ME1: variants seen among roughly 807,000 people sequenced by gnomAD.
ME1 encodes NADP-dependent malic enzyme.
In ME1, 74 loss-of-function variants were observed where a neutral mutation model predicts 66.4. The ratio of observed to expected loss-of-function variants is 1.11; its 90% CI spans 0.92 to 1.35. The LOEUF is 1.35. ME1 is among the 40% of genes most tolerant of loss of function. The pLI is 0.00. For missense variants in ME1, 750 were observed against 694.1 expected (o/e 1.08, Z -0.90); for synonymous variants, 251 against 235.6 (o/e 1.07, Z -0.60).
At chr6:83,399,284 C>A (rs979860379) in intron 2 of ME1, among the ~76,000 whole-genome samples, 12 of 152,046 alleles carry the variant, frequency 7.9e-5, no homozygotes, top group African/African-American at 2.9e-4. Flanking sequence ...GCATGAGCCA[C>A]CGCACCCAGA....
intron 1 of ME1, among the ~76,000 whole-genome samples, chr6:83,412,873 T>C (rs1177628919): frequency 6.6e-6 from 1 of 152,174 alleles, no homozygotes; most frequent in Admixed American, 6.5e-5. Flanking sequence ...GAAAATGTTT[T>C]TCAGTGATAG....
At chr6:83,402,394 T>C (rs1416392304) in intron 2 of ME1, among the ~76,000 whole-genome samples, 1 of 152,178 alleles carries the variant, frequency 6.6e-6, no homozygotes, top group African/African-American at 2.4e-5. Context: ...CCCCTGTGAC[T>C]TTATGCTCTG....
intron 1 of ME1, among the ~76,000 whole-genome samples, chr6:83,422,948 A>C (rs1398377674): frequency 6.6e-6 from 1 of 152,076 alleles, no homozygotes; most frequent in Non-Finnish European, 1.5e-5. Flanking sequence ...TTTGGAGAAA[A>C]TAATGGCTGA....
intron 3 of ME1, among the ~76,000 whole-genome samples, chr6:83,391,805 G>C (rs1283282727): frequency 6.6e-6 from 1 of 151,978 alleles, no homozygotes; most frequent in Non-Finnish European, 1.5e-5. Context: ...CTTCTGTCTG[G>C]CATGTTTCCA....
chr6:83,315,921 TAAGA>T (rs1768023106), intron 5 of ME1, among the ~76,000 whole-genome samples: 1 of 151,634 alleles, frequency 6.6e-6, no homozygotes. Flanking sequence ...AATAAATAAA[TAAGA>T]AAGAAAAATA....
intron 7 of ME1, among the ~76,000 whole-genome samples, chr6:83,241,713 A>G (rs921826021): frequency 1.3e-5 from 2 of 152,206 alleles, no homozygotes; most frequent in African/African-American, 4.8e-5. Flanking sequence ...AAGGGAATAC[A>G]TGTAGAAAAT....
intron 5 of ME1, among the ~76,000 whole-genome samples, chr6:83,328,936 A>C (rs1768353787): frequency 6.6e-6 from 1 of 152,078 alleles, no homozygotes; most frequent in South Asian, 2.1e-4. Flanking sequence ...TAAGGAGGGT[A>C]TATATTGGTA....
At position 83,430,054 on chromosome 6, in the gene ME1, T is replaced by C. The variant is rs376752819; in HGVS notation, c.78+823A>G. ...CCGAGTGCTTATATTGCATCACCAG[T>C]GAAGGAAAATGAAATGTTACCAGGA... On this transcript the variant is annotated intron_variant, in intron 1 of 13. Coordinates refer to ENST00000369705, the MANE Select transcript of ME1 (RefSeq NM_002395.6). Among the ~76,000 whole-genome samples, 11 of 152,202 alleles carry C rather than the reference T, an allele frequency of 7.2e-5. No individual in the cohort carries two copies. The East Asian group carries it at 9.6e-4, about 13-fold the overall frequency.
Position 83,235,572 on chromosome 6 carries a change from A to G in ME1, c.1026+2145T>C, listed in dbSNP as rs1238475622. Among the ~76,000 whole-genome samples the G allele has an allele frequency of 2.0e-5, 3 of 147,816 alleles. No homozygotes were observed. In the East Asian group the frequency reaches 6.0e-4, roughly 29 times the overall value. On this transcript the variant is annotated intron_variant, in intron 9 of 13. Coordinates refer to ENST00000369705, the MANE Select transcript of ME1 (RefSeq NM_002395.6). ...TGCAAGCTCCACCTCCTGGGTTTACACCATTCTCCTGCCTCAGCCTCCCAA... is the reference window on the plus strand; with the variant it reads ...TGCAAGCTCCACCTCCTGGGTTTACGCCATTCTCCTGCCTCAGCCTCCCAA...
At position 83,352,347 on chromosome 6, in the gene ME1, C is replaced by G. The variant is rs1054149680; in HGVS notation, c.363-208G>C. Among the ~76,000 whole-genome samples the G allele has an allele frequency of 2.0e-5, 3 of 151,386 alleles. 1 individual carries two copies. Among genetic ancestry groups the G allele is most frequent in the Middle Eastern group, 6.9e-3 (2 of 290 alleles). ...ACTTGAAATAATATATTGACATCTA[C>G]AATAAAGGGAGATTTGTTCTCTTAG... On this transcript the variant is annotated intron_variant, in intron 3 of 13. Transcript: ENST00000369705.
At chr6:83,364,151 G>T (rs1769055799) in intron 3 of ME1, among the ~76,000 whole-genome samples, 1 of 152,074 alleles carries the variant, frequency 6.6e-6, no homozygotes, top group Admixed American at 6.5e-5. Flanking sequence ...ATCTTGGTGG[G>T]CACCATCTAA....
intron 6 of ME1, 84 bp from the exon 7 acceptor site, chr6:83,253,822 G>T (rs1790762443): frequency 6.0e-6 from 4 of 671,908 alleles, no homozygotes; most frequent in African/African-American, 1.8e-5. Flanking sequence ...CATAGAAATA[G>T]GAAAACATTA....
intron 1 of ME1, among the ~76,000 whole-genome samples, chr6:83,426,638 A>C (rs1253768466): frequency 6.6e-6 from 1 of 152,224 alleles, no homozygotes; most frequent in East Asian, 1.9e-4. Flanking sequence ...CAACACACCC[A>C]ACTAGGTCTT....
chr6:83,270,029 C>T (rs1767056911), intron 6 of ME1, among the ~76,000 whole-genome samples: 1 of 152,120 alleles, frequency 6.6e-6, no homozygotes, highest in South Asian at 2.1e-4. Flanking sequence ...CTCTGTAATG[C>T]TTTTTTACAA....
intron 6 of ME1, among the ~76,000 whole-genome samples, chr6:83,259,023 G>T (rs1766833556): frequency 6.6e-6 from 1 of 152,148 alleles, no homozygotes; most frequent in Admixed American, 6.6e-5. Context: ...TATATGAACA[G>T]ATATTGGTGA....
At chr6:83,313,297 C>T (rs1767964694) in intron 6 of ME1, among the ~76,000 whole-genome samples, 1 of 151,944 alleles carries the variant, frequency 6.6e-6, no homozygotes, top group South Asian at 2.1e-4. Context: ...AAGTACAAAC[C>T]CTGATTCATA....
At chr6:83,365,195 C>T (rs2128546523) in intron 3 of ME1, among the ~76,000 whole-genome samples, 1 of 152,296 alleles carries the variant, frequency 6.6e-6, no homozygotes, top group South Asian at 2.1e-4. Context: ...CGGGTTCAAC[C>T]AATTCTCCTG....
intron 5 of ME1, among the ~76,000 whole-genome samples, chr6:83,331,706 A>T (rs1768415041): frequency 6.6e-6 from 1 of 152,116 alleles, no homozygotes; most frequent in Admixed American, 6.6e-5. Context: ...AGAAGAAACC[A>T]ACCCTACCAA....
At chr6:83,413,184 A>G (rs939631392) in intron 1 of ME1, among the ~76,000 whole-genome samples, 1 of 152,056 alleles carries the variant, frequency 6.6e-6, no homozygotes, top group African/African-American at 2.4e-5. Context: ...TTGTGTTTGT[A>G]TTTTTTGGTA....
Sources: allele counts gnomAD v4.1 joint callset (sites outside exome capture counted in the v4.1 genomes callset), GRCh38; gene constraint gnomAD v4.1.1; transcripts MANE v1.5; gene names NCBI Gene and HGNC (gene_info 2026-07-23, HGNC 2026-07-21).